TBCA: variants seen among roughly 807,000 people sequenced by gnomAD.
The protein encoded by TBCA is tubulin folding cofactor A.
A neutral mutation model predicts 15.8 loss-of-function variants in TBCA; 6 were observed. That is an observed-to-expected ratio of 0.38 (90% CI 0.21 to 0.75). The LOEUF is 0.75. TBCA is among the 30% of genes least tolerant of loss of function. The pLI is 0.46. For missense variants in TBCA, 90 were observed against 131.2 expected (o/e 0.69, Z 1.53); for synonymous variants, 32 against 42.3 (o/e 0.76, Z 0.94).
chr5:77,776,159 T>C, intron 1 of TBCA, 46 bp downstream of exon 1: 1 of 1,548,158 alleles, frequency 6.5e-7, no homozygotes, highest in South Asian at 1.2e-5. Flanking sequence ...CGGGCCGCCA[T>C]GAGGTGACGA....
At chr5:77,738,285 G>A (rs543289299) in intron 1 of TBCA, among the ~76,000 whole-genome samples, 3 of 152,304 alleles carry the variant, frequency 2.0e-5, no homozygotes, top group African/African-American at 7.2e-5. Context: ...CTGATATGGT[G>A]CAAATGCATG....
intron 1 of TBCA, among the ~76,000 whole-genome samples, chr5:77,730,205 A>G (rs1350614782): frequency 1.3e-5 from 2 of 152,194 alleles, no homozygotes; most frequent in African/African-American, 4.8e-5. Flanking sequence ...TTTTGTAGAT[A>G]TAGTTATGAT....
chr5:77,692,114 C>T, intron 3 of TBCA: 1 of 982,780 alleles, frequency 1.0e-6, no homozygotes, highest in Non-Finnish European at 1.2e-6. Context: ...GTAATGATAA[C>T]AGACAAATGA....
At chr5:77,761,470 T>A (rs1228779919) in intron 1 of TBCA, among the ~76,000 whole-genome samples, 1 of 151,926 alleles carries the variant, frequency 6.6e-6, no homozygotes, top group African/African-American at 2.4e-5. Context: ...CACTCCCTAA[T>A]CTCAAGTACC....
At chr5:77,768,729 G>A (rs1683906799) in intron 1 of TBCA, among the ~76,000 whole-genome samples, 1 of 152,050 alleles carries the variant, frequency 6.6e-6, no homozygotes, top group Admixed American at 6.6e-5. Flanking sequence ...CCTATGACAA[G>A]TTATTAAGAA....
intron 2 of TBCA, among the ~76,000 whole-genome samples, chr5:77,699,051 A>AG (rs1554043182): frequency 1.3e-5 from 2 of 149,026 alleles, no homozygotes; most frequent in East Asian, 1.9e-4. Flanking sequence ...AAAAAAAAAA[A>AG]AAAAAAAGAA....
chr5:77,761,405 G>C (rs1389732038), intron 1 of TBCA, among the ~76,000 whole-genome samples: 1 of 152,144 alleles, frequency 6.6e-6, no homozygotes, highest in Non-Finnish European at 1.5e-5. Context: ...GGCGGTGCAA[G>C]ATGTGCTTTG....
intron 1 of TBCA, among the ~76,000 whole-genome samples, chr5:77,717,673 T>C (rs1044146199): frequency 3.4e-5 from 5 of 148,876 alleles, no homozygotes; most frequent in African/African-American, 1.0e-4. Context: ...CTAGTAAAAA[T>C]ATAAAAAAAT....
intron 1 of TBCA, among the ~76,000 whole-genome samples, chr5:77,750,140 C>CTCTATA (rs1554045746): frequency 2.2e-5 from 3 of 134,010 alleles, no homozygotes; most frequent in African/African-American, 7.9e-5. Context: ...TGCTCTCTCT[C>CTCTATA]TATATATATA....
In TBCA at chr5:77,718,967, T is replaced by C. The variant is rs564434519; in HGVS notation, c.54-10620A>G. 2.0e-5 allele frequency among the ~76,000 whole-genome samples: 3 copies of C among 152,360 alleles called. No homozygotes were observed. In the South Asian group the frequency reaches 6.2e-4, roughly 32 times the overall value. ...TGGATCCTTTGTCTATGTATCTTCA[T>C]AGCATATTTATCTGCATCATCACAA... On this transcript the variant is annotated intron_variant, in intron 1 of 3. Coordinates refer to ENST00000380377, the MANE Select transcript of TBCA (RefSeq NM_004607.3).
At chr5:77,713,768 T>C (rs191268320) in intron 1 of TBCA, among the ~76,000 whole-genome samples, 1 of 152,224 alleles carries the variant, frequency 6.6e-6, no homozygotes, top group Admixed American at 6.5e-5. Flanking sequence ...TTAATAAGCA[T>C]ATTAAAGTTT....
rs368802847 is a variant in TBCA at position 77,693,306 on chromosome 5, C to T, written c.206G>A (p.Arg69His). Residue 69 changes from arginine (R) to histidine (H), a missense_variant, in exon 3 of 4, where the codon CGC becomes CAC. Physicochemically the swap from Arg to His is conservative, Grantham distance 29 (BLOSUM62 0). Coordinates refer to ENST00000380377, the MANE Select transcript of TBCA (RefSeq NM_004607.3). ...ESRMMIPDCQ[R>H]RLEAAYLDLQ... is the part of the protein sequence containing the mutation. ...ATCCAAATATGCGGCTTCCAACCTG[C>T]GCTGGCAATCTGGGATCATCATCCT... is the stretch of plus-strand genomic sequence containing the variant. 38 of 1,613,686 alleles carry T rather than the reference C, an allele frequency of 2.4e-5. No homozygotes were observed. The highest frequency in any genetic ancestry group is 6.7e-5 in the African/African-American group (5 of 74,882).
intron 1 of TBCA, among the ~76,000 whole-genome samples, chr5:77,740,920 T>A (rs1015357986): frequency 3.9e-5 from 6 of 152,194 alleles, no homozygotes; most frequent in Non-Finnish European, 7.3e-5. Flanking sequence ...GATGGCTCAA[T>A]AAATTTTTGT....
At chr5:77,755,506 T>TC (rs1561281882) in intron 1 of TBCA, among the ~76,000 whole-genome samples, 2 of 151,586 alleles carry the variant, frequency 1.3e-5, no homozygotes, top group Non-Finnish European at 2.9e-5. Context: ...ACCTGGGAGG[T>TC]GGAGGTTGCA....
At chr5:77,739,099 T>A (rs959331960) in intron 1 of TBCA, among the ~76,000 whole-genome samples, 1 of 152,250 alleles carries the variant, frequency 6.6e-6, no homozygotes, top group African/African-American at 2.4e-5. Flanking sequence ...TATATATGTA[T>A]ATGTATTAGT....
At chr5:77,755,174 TAAAGC>T (rs1561281787) in intron 1 of TBCA, among the ~76,000 whole-genome samples, 1 of 152,184 alleles carries the variant, frequency 6.6e-6, no homozygotes, top group African/African-American at 2.4e-5. Context: ...GCAGCAGACT[TAAAGC>T]AGGCAGAAAA....
At chr5:77,774,072 C>T (rs1747968367) in intron 1 of TBCA, among the ~76,000 whole-genome samples, 1 of 152,134 alleles carries the variant, frequency 6.6e-6, no homozygotes, top group Admixed American at 6.5e-5. Flanking sequence ...GGGGGTCAGA[C>T]ATGTCTCATT....
chr5:77,766,249 T>G (rs1747774327), intron 1 of TBCA, among the ~76,000 whole-genome samples: 1 of 152,182 alleles, frequency 6.6e-6, no homozygotes, highest in Non-Finnish European at 1.5e-5. Context: ...TCTAGTTAAT[T>G]CTAGGTAAAC....
chr5:77,724,403 T>C (rs1181718402), intron 1 of TBCA, among the ~76,000 whole-genome samples: 2 of 152,096 alleles, frequency 1.3e-5, no homozygotes, highest in African/African-American at 2.4e-5. Flanking sequence ...CACACACCTA[T>C]ATTTTACACA....
Sources: gnomAD v4.1 joint callset for allele counts (sites outside exome capture counted in the v4.1 genomes callset) on GRCh38, gnomAD v4.1.1 for gene constraint, MANE v1.5 for transcripts, NCBI Gene and HGNC (gene_info 2026-07-23, HGNC 2026-07-21) for gene names.